CACNA2D3: variants seen among roughly 807,000 people sequenced by gnomAD.
CACNA2D3 encodes calcium voltage-gated channel auxiliary subunit alpha2delta 3.
Under a neutral mutation model 160.6 loss-of-function variants are expected in CACNA2D3, and 60 were observed. The ratio of observed to expected loss-of-function variants is 0.37; its 90% CI spans 0.30 to 0.46. The LOEUF is 0.46. Ranked by LOEUF, CACNA2D3 falls within the 20% of genes least tolerant of loss-of-function variation. The pLI, the probability that CACNA2D3 is intolerant of heterozygous loss-of-function variation, is 1.00. For synonymous variants in CACNA2D3, 558 were observed against 492.9 expected, an observed-to-expected ratio of 1.13 and a Z score of -1.75; for missense variants, 1,205 against 1,365.0, an observed-to-expected ratio of 0.88 and a Z score of 1.85.
chr3:54,638,755 T>C (rs1370182188), intron 10 of CACNA2D3: 7 of 151,980 alleles, frequency 4.6e-5, no homozygotes, highest in Non-Finnish European at 8.8e-5. Context: ...CCAAGAATTA[T>C]TTAGATCTTG....
intron 27 of CACNA2D3, chr3:54,966,927 C>T (rs951155486): frequency 3.9e-5 from 6 of 152,164 alleles, no homozygotes; most frequent in Non-Finnish European, 7.3e-5. Flanking sequence ...CAAGCATTTA[C>T]CTATGGGTCG....
intron 2 of CACNA2D3, among the ~76,000 whole-genome samples, chr3:54,180,525 A>G (rs1186336926): frequency 6.6e-6 from 1 of 152,228 alleles, no homozygotes; most frequent in Non-Finnish European, 1.5e-5. Flanking sequence ...TACTGAAGCT[A>G]AAGTCCCACT....
At chr3:54,735,597 C>T (rs1275851793) in intron 11 of CACNA2D3, among the ~76,000 whole-genome samples, 1 of 152,038 alleles carries the variant, frequency 6.6e-6, no homozygotes, top group Non-Finnish European at 1.5e-5. Flanking sequence ...CATCTTTATG[C>T]CCATGAGCTC....
chr3:54,938,817 A>G (rs543997540), intron 27 of CACNA2D3, among the ~76,000 whole-genome samples: 5 of 152,342 alleles, frequency 3.3e-5, no homozygotes, highest in South Asian at 4.1e-4. Flanking sequence ...GGCTTGCGCT[A>G]GAAATATGAT....
At chr3:54,384,150 G>A (rs757274303) in intron 3 of CACNA2D3, among the ~76,000 whole-genome samples, 2 of 151,282 alleles carry the variant, frequency 1.3e-5, no homozygotes, top group Non-Finnish European at 2.9e-5. Flanking sequence ...AGTATTATCT[G>A]TCTTGGTAAT....
intron 9 of CACNA2D3, among the ~76,000 whole-genome samples, chr3:54,618,374 T>TATATATTC: frequency 3.7e-5 from 2 of 54,580 alleles, no homozygotes; most frequent in South Asian, 6.9e-4. Context: ...TATATATATA[T>TATATATTC]GCACACACAC....
intron 9 of CACNA2D3, among the ~76,000 whole-genome samples, chr3:54,616,714 CA>C (rs1007582120): frequency 6.6e-6 from 1 of 152,072 alleles, no homozygotes; most frequent in Non-Finnish European, 1.5e-5. Context: ...AAGTTTCTGG[CA>C]AAAAAACTTT....
intron 12 of CACNA2D3, among the ~76,000 whole-genome samples, chr3:54,753,973 A>G (rs958369894): frequency 6.6e-6 from 1 of 152,170 alleles, no homozygotes. Context: ...TCTTGAACTC[A>G]TTTCTTCTGT....
chr3:54,647,208 C>T (rs1699668847), intron 11 of CACNA2D3, among the ~76,000 whole-genome samples: 1 of 152,038 alleles, frequency 6.6e-6, no homozygotes, highest in African/African-American at 2.4e-5. Flanking sequence ...AACTCCTGAC[C>T]CACAAAAACT....
At chr3:54,640,565 A>G (rs931329931) in intron 10 of CACNA2D3, among the ~76,000 whole-genome samples, 1 of 152,230 alleles carries the variant, frequency 6.6e-6, no homozygotes, top group Non-Finnish European at 1.5e-5. Context: ...AAAATCTTAC[A>G]TAAAGCTGAA....
chr3:54,998,190 G>A (rs1427378539), intron 31 of CACNA2D3, among the ~76,000 whole-genome samples: 28 of 148,314 alleles, frequency 1.9e-4, no homozygotes, highest in East Asian at 8.0e-4. Context: ...GCTGGAGTGC[G>A]GTGGCACAAA....
chr3:54,351,477 C>G (rs999638722), intron 3 of CACNA2D3, among the ~76,000 whole-genome samples: 3 of 152,162 alleles, frequency 2.0e-5, no homozygotes, highest in Non-Finnish European at 4.4e-5. Context: ...AGCCCTTCAT[C>G]TAACTCTTGT....
intron 14 of CACNA2D3, among the ~76,000 whole-genome samples, chr3:54,827,689 AC>A (rs879809194): frequency 2.6e-5 from 4 of 152,150 alleles, no homozygotes; most frequent in Non-Finnish European, 4.4e-5. Context: ...GCAAGGAGAG[AC>A]TGTATAATGT....
chr3:54,155,910 A>G (rs1700235474), intron 2 of CACNA2D3, among the ~76,000 whole-genome samples: 1 of 152,244 alleles, frequency 6.6e-6, no homozygotes, highest in African/African-American at 2.4e-5. Context: ...ACCATAGTTT[A>G]AAGATGCATA....
intron 27 of CACNA2D3, among the ~76,000 whole-genome samples, chr3:54,964,487 A>G (rs1215204655): frequency 6.6e-6 from 1 of 152,116 alleles, no homozygotes; most frequent in Non-Finnish European, 1.5e-5. Flanking sequence ...TTATTAAATT[A>G]GCAAGACTGA....
intron 27 of CACNA2D3, among the ~76,000 whole-genome samples, chr3:54,931,045 G>A (rs1253344003): frequency 2.6e-5 from 4 of 152,262 alleles, no homozygotes; most frequent in South Asian, 2.1e-4. Context: ...GTAGTGAGCC[G>A]AGATCGTGCC....
chr3:54,611,473 T>A (rs1223077174), intron 9 of CACNA2D3, among the ~76,000 whole-genome samples: 1 of 152,222 alleles, frequency 6.6e-6, no homozygotes, highest in Non-Finnish European at 1.5e-5. Flanking sequence ...CTCTTTTGTC[T>A]TTGTCTTTAA....
intron 2 of CACNA2D3, among the ~76,000 whole-genome samples, chr3:54,264,177 G>A (rs1702459841): frequency 6.6e-6 from 1 of 152,116 alleles, no homozygotes; most frequent in Non-Finnish European, 1.5e-5. Flanking sequence ...TGTGGTGGGT[G>A]GTGTCCTCGG....
At chr3:54,401,912 C>T (rs554847128) in intron 4 of CACNA2D3, among the ~76,000 whole-genome samples, 1 of 152,132 alleles carries the variant, frequency 6.6e-6, no homozygotes, top group African/African-American at 2.4e-5. Context: ...AAAGTCAAAA[C>T]AGTCAAAAAT....
Sources: gnomAD v4.1 joint callset for allele counts (sites outside exome capture counted in the v4.1 genomes callset) on GRCh38, gnomAD v4.1.1 for gene constraint, MANE v1.5 for transcripts, NCBI Gene and HGNC (gene_info 2026-07-23, HGNC 2026-07-21) for gene names.